The following SH2D4A variants were observed in gnomAD, a reference collection of about 807,000 sequenced individuals.
SH2D4A encodes SH2 domain containing 4A.
Under a neutral mutation model 64.7 loss-of-function variants are expected in SH2D4A, and 70 were observed. That is an observed-to-expected ratio of 1.08 (90% confidence interval 0.89 to 1.32). SH2D4A has a LOEUF of 1.32. Ranked by LOEUF, SH2D4A falls within the 40% of genes most tolerant of loss-of-function variation. SH2D4A has a pLI of 0.00. For synonymous variants in SH2D4A, 268 were observed against 200.7 expected, an observed-to-expected ratio of 1.34 and a Z score of -2.83; for missense variants, 706 against 540.1, an observed-to-expected ratio of 1.31 and a Z score of -3.04.
At chr8:19,324,174 C>G (rs1041634562) in intron 2 of SH2D4A, among the ~76,000 whole-genome samples, 5 of 152,172 alleles carry the variant, frequency 3.3e-5, no homozygotes, top group East Asian at 1.9e-4. Context: ...TATTGGGTAA[C>G]GCAAACAGAA....
At chr8:19,343,535 A>C (rs553529517) in intron 4 of SH2D4A, among the ~76,000 whole-genome samples, 1 of 152,184 alleles carries the variant, frequency 6.6e-6, no homozygotes. Flanking sequence ...ATGAGATAAC[A>C]TATTTGGAAA....
At chr8:19,336,139 T>G (rs2052442218) in intron 4 of SH2D4A, among the ~76,000 whole-genome samples, 1 of 152,150 alleles carries the variant, frequency 6.6e-6, no homozygotes, top group Non-Finnish European at 1.5e-5. Flanking sequence ...CTAGAGACAT[T>G]TGTCCATTTT....
intron 1 of SH2D4A, among the ~76,000 whole-genome samples, chr8:19,314,628 C>G (rs1219261491): frequency 6.6e-6 from 1 of 152,192 alleles, no homozygotes; most frequent in Non-Finnish European, 1.5e-5. Flanking sequence ...GGCACCTCCC[C>G]CTTTCAAACA....
intron 8 of SH2D4A, among the ~76,000 whole-genome samples, chr8:19,385,476 C>T (rs1056338948): frequency 1.3e-5 from 2 of 152,214 alleles, no homozygotes; most frequent in Admixed American, 6.5e-5. Flanking sequence ...GCTGGGATTA[C>T]AGGCCTGAGC....
chr8:19,373,033 T>C (rs1403867098), intron 7 of SH2D4A, among the ~76,000 whole-genome samples: 1 of 152,082 alleles, frequency 6.6e-6, no homozygotes, highest in African/African-American at 2.4e-5. Flanking sequence ...GGGGTAAAAG[T>C]GTATTTTGCC....
intron 7 of SH2D4A, among the ~76,000 whole-genome samples, chr8:19,370,878 G>A (rs1017856072): frequency 2.0e-5 from 3 of 151,932 alleles, no homozygotes; most frequent in East Asian, 1.9e-4. Context: ...TATCTTTGGT[G>A]TATCTGTTAT....
chr8:19,356,339 A>G (rs551660770), intron 4 of SH2D4A, among the ~76,000 whole-genome samples: 1 of 152,310 alleles, frequency 6.6e-6, no homozygotes, highest in South Asian at 2.1e-4. Flanking sequence ...GGTGGCACCA[A>G]CCTTTTGCTG....
intron 2 of SH2D4A, among the ~76,000 whole-genome samples, chr8:19,327,836 C>A (rs963041696): frequency 6.6e-6 from 1 of 152,180 alleles, no homozygotes; most frequent in Admixed American, 6.5e-5. Context: ...CTGCCGACAC[C>A]AGTTCTCACC....
At chr8:19,371,856 A>C (rs1401228682) in intron 7 of SH2D4A, among the ~76,000 whole-genome samples, 1 of 151,952 alleles carries the variant, frequency 6.6e-6, no homozygotes, top group African/African-American at 2.4e-5. Context: ...TATTCATTGC[A>C]TTTTTCGGCT....
rs1585154661 is a variant in SH2D4A, at chr8:19,334,929, C to T, written c.513+72C>T. ...GAAAAAGCTATTGAGGCCACAGAGACTACTGTGGCTGAGTGTCAGGATCCT... is the reference window on the plus strand; with the variant it reads ...GAAAAAGCTATTGAGGCCACAGAGATTACTGTGGCTGAGTGTCAGGATCCT... On this transcript the variant is annotated intron_variant, in intron 4 of 9. Transcript: ENST00000265807. 3.4e-6 allele frequency: 5 copies of T among 1,464,940 alleles called. No homozygotes were observed. The East Asian group carries it at 1.2e-4, about 34-fold the overall frequency. The allele number at this position is 1,464,940 out of a possible 1,614,324, so 90.7% of individuals were successfully genotyped here. A position where few individuals can be genotyped will look rare whatever the true frequency, so the allele number is the denominator to read the frequency against.
At chr8:19,341,953 C>A (rs548496535) in intron 4 of SH2D4A, among the ~76,000 whole-genome samples, 2 of 152,020 alleles carry the variant, frequency 1.3e-5, no homozygotes, top group Admixed American at 1.3e-4. Flanking sequence ...TAAAATCTCC[C>A]GAGGGCTGTG....
intron 7 of SH2D4A, among the ~76,000 whole-genome samples, chr8:19,367,996 C>A (rs183407815): frequency 6.6e-6 from 1 of 152,234 alleles, no homozygotes; most frequent in East Asian, 1.9e-4. Flanking sequence ...GCTTCATGGC[C>A]TCATATATTC....
intron 8 of SH2D4A, among the ~76,000 whole-genome samples, chr8:19,388,660 T>G (rs1464769328): frequency 6.6e-6 from 1 of 152,236 alleles, no homozygotes; most frequent in African/African-American, 2.4e-5. Context: ...CCAAATAATA[T>G]TAGACCTCGT....
intron 7 of SH2D4A, among the ~76,000 whole-genome samples, chr8:19,366,955 T>C (rs888933978): frequency 2.6e-5 from 4 of 152,228 alleles, no homozygotes; most frequent in Non-Finnish European, 5.9e-5. Context: ...TTTGTTCTCT[T>C]TAATTTTTTT....
chr8:19,335,719 T>C (rs1372594249), intron 4 of SH2D4A, among the ~76,000 whole-genome samples: 1 of 152,220 alleles, frequency 6.6e-6, no homozygotes, highest in Non-Finnish European at 1.5e-5. Context: ...TTGGGCTTCA[T>C]TGGCTCTGCC....
chr8:19,348,090 T>C (rs1053869994), intron 4 of SH2D4A, among the ~76,000 whole-genome samples: 3 of 152,190 alleles, frequency 2.0e-5, no homozygotes, highest in African/African-American at 7.2e-5. Flanking sequence ...TCAGTTTTTG[T>C]GTGCGTGTGT....
intron 8 of SH2D4A, among the ~76,000 whole-genome samples, chr8:19,388,782 A>T (rs1359521010): frequency 2.0e-5 from 3 of 152,230 alleles, no homozygotes; most frequent in Non-Finnish European, 4.4e-5. Flanking sequence ...AGACTTGATT[A>T]TAAGACACAA....
At chr8:19,320,261 G>A (rs6997589) in intron 2 of SH2D4A, among the ~76,000 whole-genome samples, 116,134 of 151,936 alleles carry the variant, frequency 0.76, 44,498 homozygotes, top group Middle Eastern at 0.84. Context: ...ACTTTTCCTC[G>A]TTATCAAAGG....
chr8:19,374,333 C>G (rs977418958), intron 8 of SH2D4A, among the ~76,000 whole-genome samples: 11 of 152,112 alleles, frequency 7.2e-5, no homozygotes, highest in Non-Finnish European at 1.3e-4. Flanking sequence ...TCTTGGATCT[C>G]AAGAAAAGTG....
Sources: gnomAD v4.1 joint callset for allele counts (sites outside exome capture counted in the v4.1 genomes callset) on GRCh38, gnomAD v4.1.1 for gene constraint, MANE v1.5 for transcripts, NCBI Gene and HGNC (gene_info 2026-07-23, HGNC 2026-07-21) for gene names.